The following FANK1 variants were observed in gnomAD, a reference collection of about 807,000 sequenced individuals.
The protein encoded by FANK1 is fibronectin type 3 and ankyrin repeat domains protein 1.
In FANK1, 44 loss-of-function variants were observed where a neutral mutation model predicts 45.3. That is an observed-to-expected ratio of 0.97 (90% CI 0.76 to 1.25). FANK1 has a LOEUF of 1.25. FANK1 is among the 50% of genes most tolerant of loss of function. The pLI is 0.00. For missense variants in FANK1, 391 were observed against 424.4 expected, an observed-to-expected ratio of 0.92 and a Z score of 0.69; for synonymous variants, 149 against 152.5, an observed-to-expected ratio of 0.98 and a Z score of 0.17.
chr10:125,931,127 TTG>T (rs1947727095), intron 1 of FANK1, among the ~76,000 whole-genome samples: 1 of 152,206 alleles, frequency 6.6e-6, no homozygotes, highest in South Asian at 2.1e-4. Flanking sequence ...TGATGGGCAT[TTG>T]GGTTGGTTCC....
At chr10:125,899,171 C>T (rs1165326450) in intron 1 of FANK1, among the ~76,000 whole-genome samples, 2 of 152,244 alleles carry the variant, frequency 1.3e-5, no homozygotes, top group Non-Finnish European at 2.9e-5. Flanking sequence ...AGTAATTCTC[C>T]TGCCTCAGCC....
chr10:125,962,758 T>C (rs1949999414), intron 1 of FANK1, among the ~76,000 whole-genome samples: 1 of 152,138 alleles, frequency 6.6e-6, no homozygotes, highest in Non-Finnish European at 1.5e-5. Flanking sequence ...TCTGGGTTTA[T>C]TTCTCTTGAT....
intron 1 of FANK1, among the ~76,000 whole-genome samples, chr10:125,938,644 A>G (rs987156579): frequency 1.2e-4 from 19 of 152,130 alleles, no homozygotes; most frequent in Non-Finnish European, 4.4e-5. Context: ...CCTTGTCCCT[A>G]CTAAAAATAC....
rs1952420612 is a variant in FANK1, at chr10:125,997,424, G to C, written c.478G>C (p.Val160Leu). The C allele has an allele frequency of 2.5e-5, 41 of 1,613,816 alleles. No homozygotes were observed. The highest frequency in any genetic ancestry group is 3.4e-5 in the Non-Finnish European group (40 of 1,179,840). ...ACTTAAGTTTGTTTCCTTTAGGCTT[G>C]TGAAAATCCTAGTTTCTAATGGCAC... The part of the protein sequence containing the change: ...VAAQKGYTRL[V>L]KILVSNGTDV... The change falls in exon 6 of 11, where the codon GTG becomes CTG. Residue 160 changes from valine (V) to leucine (L), a missense_variant. Coordinates refer to ENST00000368693, the MANE Select transcript of FANK1 (RefSeq NM_145235.5).
chr10:125,934,456 A>G (rs1487572858), intron 1 of FANK1, among the ~76,000 whole-genome samples: 1 of 152,072 alleles, frequency 6.6e-6, no homozygotes, highest in Non-Finnish European at 1.5e-5. Context: ...AGCCTTGGGC[A>G]GTAGGTGGCA....
At chr10:125,992,210 C>T (rs1951997840) in intron 3 of FANK1, among the ~76,000 whole-genome samples, 1 of 152,226 alleles carries the variant, frequency 6.6e-6, no homozygotes. Context: ...CTCTCTGTTC[C>T]TCAGGACTCC....
intron 1 of FANK1, among the ~76,000 whole-genome samples, chr10:125,915,015 T>TCTGGTCAGTGA (rs1193945123): frequency 6.6e-6 from 1 of 152,128 alleles, no homozygotes; most frequent in African/African-American, 2.4e-5. Context: ...AGCACTCCTA[T>TCTGGTCAGTGA]TCCTTGAGGC....
chr10:125,907,835 A>G (rs1945663147), intron 1 of FANK1, among the ~76,000 whole-genome samples: 1 of 152,150 alleles, frequency 6.6e-6, no homozygotes, highest in Admixed American at 6.5e-5. Context: ...TCATACAGAC[A>G]TAAGGAAATG....
At chr10:125,950,251 C>G (rs567723113) in intron 1 of FANK1, among the ~76,000 whole-genome samples, 1 of 151,332 alleles carries the variant, frequency 6.6e-6, no homozygotes, top group African/African-American at 2.4e-5. Context: ...GCAGCAAAAG[C>G]CAAAATTGAC....
chr10:125,939,878 T>C (rs1377985733), intron 1 of FANK1, among the ~76,000 whole-genome samples: 1 of 152,000 alleles, frequency 6.6e-6, no homozygotes, highest in East Asian at 1.9e-4. Flanking sequence ...GAAGCATTCT[T>C]ATTAAAGACA....
chr10:125,912,443 AGTGT>A (rs60956003), intron 1 of FANK1, among the ~76,000 whole-genome samples: 37,092 of 146,588 alleles, frequency 0.25, 4,805 homozygotes, highest in East Asian at 0.42. Flanking sequence ...GCACCACCAA[AGTGT>A]GTGTGTGTGT....
At chr10:125,896,720 G>C (rs1589730335) in intron 1 of FANK1, 65 bp downstream of exon 1, 1 of 1,258,364 alleles carries the variant, frequency 7.9e-7, no homozygotes, top group Non-Finnish European at 1.0e-6. Flanking sequence ...CCCCGGGAAC[G>C]AGTGTGGGCG....
In FANK1 at chr10:125,960,017, C is replaced by T. The variant is rs1008237398; in HGVS notation, c.14-20144C>T. On this transcript the variant is annotated intron_variant, in intron 1 of 10. Transcript: ENST00000368693. ...GAGCTATATTTCTTCTCCCAGTTTCCTCAGTTGAGTAGAAACTCACCAATT... is the reference window on the plus strand; with the variant it reads ...GAGCTATATTTCTTCTCCCAGTTTCTTCAGTTGAGTAGAAACTCACCAATT... Among the ~76,000 whole-genome samples the T allele has an allele frequency of 2.0e-5, 3 of 152,176 alleles. No homozygotes were observed. In the South Asian group the frequency reaches 6.2e-4, roughly 31 times the overall value.
intron 1 of FANK1, chr10:125,907,570 G>A (rs141819373): frequency 4.5e-6 from 4 of 889,974 alleles, no homozygotes; most frequent in South Asian, 1.0e-4. Flanking sequence ...GTTACTCCTG[G>A]GATGTGTGTG....
chr10:125,998,598 A>G (rs570144927), intron 6 of FANK1, among the ~76,000 whole-genome samples: 4 of 152,196 alleles, frequency 2.6e-5, no homozygotes, highest in African/African-American at 9.6e-5. Flanking sequence ...ACAAAAAGCT[A>G]TCTAATAAGA....
intron 2 of FANK1, among the ~76,000 whole-genome samples, chr10:125,985,585 T>A (rs939777041): frequency 3.9e-5 from 6 of 152,222 alleles, no homozygotes; most frequent in Non-Finnish European, 7.3e-5. Flanking sequence ...GCCATTGGCG[T>A]TATTTCTTCA....
intron 6 of FANK1, among the ~76,000 whole-genome samples, chr10:126,001,545 C>T (rs766098421): frequency 1.3e-5 from 2 of 152,290 alleles, no homozygotes; most frequent in African/African-American, 4.8e-5. Flanking sequence ...CCCTGCAGGG[C>T]TGTGCTCAGG....
intron 1 of FANK1, among the ~76,000 whole-genome samples, chr10:125,959,168 G>A (rs10901482): frequency 0.37 from 56,377 of 151,720 alleles, 10,979 homozygotes; most frequent in Non-Finnish European, 0.44. Context: ...AGGCCAAGGT[G>A]TGTGGATTGC....
intron 1 of FANK1, among the ~76,000 whole-genome samples, chr10:125,979,173 A>G (rs923777483): frequency 1.3e-5 from 2 of 151,588 alleles, no homozygotes; most frequent in Non-Finnish European, 2.9e-5. Flanking sequence ...CCGGGGGGCC[A>G]TTGTCCTGTC....
Sources: gnomAD v4.1 joint callset for allele counts (sites outside exome capture counted in the v4.1 genomes callset) on GRCh38, gnomAD v4.1.1 for gene constraint, MANE v1.5 for transcripts, NCBI Gene and HGNC (gene_info 2026-07-23, HGNC 2026-07-21) for gene names.